The following PARD3B variants were observed in gnomAD, a reference collection of about 807,000 sequenced individuals.
The protein encoded by PARD3B is par-3 family cell polarity regulator beta.
A neutral mutation model predicts 130.2 loss-of-function variants in PARD3B; 103 were observed. That is an observed-to-expected ratio of 0.79 (90% confidence interval 0.67 to 0.93). The LOEUF (loss-of-function observed/expected upper bound fraction) is 0.93, where lower values mean the gene tolerates loss of function less well. PARD3B is among the 40% of genes least tolerant of loss of function. PARD3B has a pLI of 0.00. For missense variants in PARD3B, 1,609 were observed against 1,499.2 expected (o/e 1.07, Z -1.21); for synonymous variants, 583 against 553.2 (o/e 1.05, Z -0.76).
intron 2 of PARD3B, among the ~76,000 whole-genome samples, chr2:204,904,675 T>C (rs912707354): frequency 8.6e-6 from 1 of 116,348 alleles, no homozygotes; most frequent in Non-Finnish European, 1.7e-5. Context: ...ATTTCAATGC[T>C]TTTTTTTTTA....
Position 204,678,943 on chromosome 2 carries a change from T to A in PARD3B, c.121-7238T>A, listed in dbSNP as rs1331163880. ...GCCCTAGAAGCCGCTTCATGCCTCT[T>A]TCTACTCACCACCCTTCCCCCTCAC... On this transcript the variant is annotated intron_variant, in intron 1 of 22. Coordinates refer to ENST00000406610, the MANE Select transcript of PARD3B (RefSeq NM_001302769.2). This position sits in a 1 kb window ranked among gnomAD's most constrained non-coding sequence, Gnocchi z 4.2. Among the ~76,000 whole-genome samples the A allele has an allele frequency of 6.6e-6, 1 of 152,174 alleles. No individual in the cohort carries two copies. The highest frequency in any genetic ancestry group is 2.1e-4 in the South Asian group (1 of 4,820).
chr2:204,957,011 A>G (rs1022476988), intron 2 of PARD3B, among the ~76,000 whole-genome samples: 1 of 152,106 alleles, frequency 6.6e-6, no homozygotes, highest in African/African-American at 2.4e-5. Context: ...CACAGAGACA[A>G]GGGCTCCTCA....
rs767202136 is a variant in PARD3B, at chr2:205,269,571, G to C, written c.2185+23749G>C. Among the ~76,000 whole-genome samples the C allele has an allele frequency of 3.3e-5, 5 of 152,066 alleles. No homozygotes were observed. Among genetic ancestry groups the C allele is most frequent in the Non-Finnish European group, 7.4e-5 (5 of 68,010 alleles). On this transcript the variant is annotated intron_variant, in intron 16 of 22. Coordinates refer to ENST00000406610, the MANE Select transcript of PARD3B (RefSeq NM_001302769.2). This position sits in a 1 kb window ranked among gnomAD's most constrained non-coding sequence, Gnocchi z 4.7. ...TCAGGGGCAATTGGGCTGCTGGGCT[G>C]CTGATTCTCAATAACCACACTTACA...
intron 21 of PARD3B, among the ~76,000 whole-genome samples, chr2:205,538,577 G>A (rs575357014): frequency 6.6e-6 from 1 of 152,236 alleles, no homozygotes; most frequent in Admixed American, 6.5e-5. Context: ...ACTTTCATAA[G>A]AGAAAGTAAG....
intron 16 of PARD3B, chr2:205,293,364 G>C (rs2041678888): frequency 6.6e-6 from 1 of 152,060 alleles, no homozygotes; most frequent in African/African-American, 2.4e-5. Context: ...TACTGTTTTA[G>C]CAAGACATAC....
chr2:204,749,246 A>T (rs1469704377), intron 2 of PARD3B, among the ~76,000 whole-genome samples: 2 of 152,132 alleles, frequency 1.3e-5, no homozygotes, highest in Non-Finnish European at 2.9e-5. Flanking sequence ...ATGGTTTCTA[A>T]GGGTATTGAA....
At position 205,440,581 on chromosome 2, in the gene PARD3B, G is replaced by GATGGCCATCCACTGTCTCCAGAA; in HGVS notation, c.2955_2977dup (p.Arg993MetfsTer12). On this transcript the variant is annotated frameshift_variant, in exon 20 of 23. Transcript: ENST00000406610. LOFTEE classifies it high-confidence loss of function. The surrounding 1 kb of genome is among the most constrained non-coding windows in gnomAD (Gnocchi z 4.2). ...AGCTGGACCATTTGGTTACCCTCGGGATGGCCATCCACTGTCTCCAGAAAG... is the reference window on the plus strand; with the variant it reads ...AGCTGGACCATTTGGTTACCCTCGGGATGGCCATCCACTGTCTCCAGAAATGGCCATCCACTGTCTCCAGAAAG... The GATGGCCATCCACTGTCTCCAGAA allele has an allele frequency of 6.2e-7, 1 of 1,614,022 alleles. No homozygotes were observed. Among genetic ancestry groups the GATGGCCATCCACTGTCTCCAGAA allele is most frequent in the Non-Finnish European group, 8.5e-7 (1 of 1,179,964 alleles).
intron 22 of PARD3B, among the ~76,000 whole-genome samples, chr2:205,611,961 C>T (rs2055246550): frequency 6.6e-6 from 1 of 152,172 alleles, no homozygotes; most frequent in Non-Finnish European, 1.5e-5. Flanking sequence ...GCTCAAAGCA[C>T]ACAGCATCCG....
intron 2 of PARD3B, among the ~76,000 whole-genome samples, chr2:204,873,060 A>G (rs988424101): frequency 6.6e-6 from 1 of 152,234 alleles, no homozygotes; most frequent in African/African-American, 2.4e-5. Flanking sequence ...AAAGATAAAG[A>G]TAATTATAAT....
At chr2:205,493,666 T>C (rs1201298007) in intron 20 of PARD3B, among the ~76,000 whole-genome samples, 1 of 152,098 alleles carries the variant, frequency 6.6e-6, no homozygotes, top group Non-Finnish European at 1.5e-5. Flanking sequence ...CACCTCCAGA[T>C]AGGAATATTC....
In PARD3B at chr2:205,274,024, C is replaced by A. The variant is rs902816688; in HGVS notation, c.2186-26506C>A. Among the ~76,000 whole-genome samples, 2 of 152,076 alleles carry A rather than the reference C, an allele frequency of 1.3e-5. No homozygotes were observed. Among genetic ancestry groups the A allele is most frequent in the Non-Finnish European group, 2.9e-5 (2 of 68,030 alleles). On this transcript the variant is annotated intron_variant, in intron 16 of 22. Coordinates refer to ENST00000406610, the MANE Select transcript of PARD3B (RefSeq NM_001302769.2). This position sits in a 1 kb window ranked among gnomAD's most constrained non-coding sequence, Gnocchi z 4.2. The stretch of plus-strand genomic sequence containing the variant: ...TGTAATTACTCTGGTTACTTCATTG[C>A]ACATTTGAGGATTGGCTCCTGTTTT...
chr2:204,936,337 G>C (rs1231310437), intron 2 of PARD3B, among the ~76,000 whole-genome samples: 1 of 152,200 alleles, frequency 6.6e-6, no homozygotes, highest in Non-Finnish European at 1.5e-5. Context: ...TCCATGGTTT[G>C]AAAACAGTAC....
At chr2:205,319,718 A>G (rs1316705389) in intron 18 of PARD3B, among the ~76,000 whole-genome samples, 1 of 152,166 alleles carries the variant, frequency 6.6e-6, no homozygotes, top group Admixed American at 6.6e-5. Context: ...TGTACATTCA[A>G]CAATGGATTG....
At chr2:204,917,585 A>C (rs1371429441) in intron 2 of PARD3B, among the ~76,000 whole-genome samples, 1 of 152,200 alleles carries the variant, frequency 6.6e-6, no homozygotes, top group Non-Finnish European at 1.5e-5. Flanking sequence ...ATGAGTCTAA[A>C]ATTTGAAATA....
At position 205,150,252 on chromosome 2, in the gene PARD3B, T is replaced by TGTGTGTGTGCGCGC. The variant is rs375301293; in HGVS notation, c.1435-8469_1435-8468insTGTGTGTGCGCGCG. Reference sequence around the variant, plus strand: ...GTGTGTGTGTGTGTGTGTGTGTGTGTGCACACACGCTTGAAATCTGTGAGT... The same window carrying TGTGTGTGTGCGCGC: ...GTGTGTGTGTGTGTGTGTGTGTGTGTGTGTGTGTGCGCGCGCACACACGCTTGAAATCTGTGAGT... On this transcript the variant is annotated intron_variant, in intron 10 of 22. Transcript: ENST00000406610. Among the ~76,000 whole-genome samples the TGTGTGTGTGCGCGC allele has an allele frequency of 5.4e-4, 79 of 145,880 alleles. 1 individual carries two copies. Among genetic ancestry groups the TGTGTGTGTGCGCGC allele is most frequent in the African/African-American group, 1.9e-3 (74 of 38,956 alleles).
At chr2:205,468,494 T>C (rs1575096922) in intron 20 of PARD3B, among the ~76,000 whole-genome samples, 1 of 152,216 alleles carries the variant, frequency 6.6e-6, no homozygotes, top group Non-Finnish European at 1.5e-5. Flanking sequence ...CACAAGCTTT[T>C]CTTCATGACT....
At chr2:205,477,547 T>C (rs2049068029) in intron 20 of PARD3B, among the ~76,000 whole-genome samples, 1 of 152,086 alleles carries the variant, frequency 6.6e-6, no homozygotes, top group South Asian at 2.1e-4. Context: ...CTGAAAAGCA[T>C]GCTGGAGGTA....
intron 5 of PARD3B, 129 bp from the exon 6 acceptor site, chr2:205,113,362 A>C: frequency 2.0e-6 from 1 of 496,378 alleles, no homozygotes; most frequent in Non-Finnish European, 3.5e-6. Flanking sequence ...TTGACTTTGA[A>C]GTTGTATTAG....
chr2:205,417,393 T>A (rs184175656), intron 19 of PARD3B, among the ~76,000 whole-genome samples: 91 of 152,238 alleles, frequency 6.0e-4, no homozygotes, highest in African/African-American at 2.1e-3. Flanking sequence ...TAAACATACG[T>A]GCACATGTGT....
Sources: allele counts gnomAD v4.1 joint callset (sites outside exome capture counted in the v4.1 genomes callset), GRCh38; gene constraint gnomAD v4.1.1; non-coding constraint Gnocchi (gnomAD v3.1); transcripts MANE v1.5; gene names NCBI Gene and HGNC (gene_info 2026-07-23, HGNC 2026-07-21).